The following PTK7 variants were observed in gnomAD, a reference collection of about 807,000 sequenced individuals.
The protein encoded by PTK7 is protein tyrosine kinase 7 (inactive), also known as inactive tyrosine-protein kinase 7.
PTK7 carries 39 observed loss-of-function variants against 116.6 expected under a neutral mutation model. The ratio of observed to expected loss-of-function variants is 0.33; its 90% CI spans 0.26 to 0.44. The LOEUF (loss-of-function observed/expected upper bound fraction) is 0.44, where lower values mean the gene tolerates loss of function less well. PTK7 is among the 20% of genes least tolerant of loss of function. The probability of loss-of-function intolerance (pLI) is 1.00; values close to 1 mark genes in which losing one functional copy is unlikely to be tolerated. For missense variants in PTK7, 1,169 were observed against 1,425.6 expected (o/e 0.82, Z 2.90); for synonymous variants, 546 against 563.6 (o/e 0.97, Z 0.44).
Position 43,142,167 on chromosome 6 carries a change from G to T in PTK7, c.1920-5G>T. 6.2e-7 allele frequency: 1 copy of T among 1,613,776 alleles called. No homozygotes were observed. Among genetic ancestry groups the T allele is most frequent in the Non-Finnish European group, 8.5e-7 (1 of 1,179,930 alleles). Reference sequence around the variant, plus strand: ...TGGCCAGCACTATGGCTTCTCCCCCGACAGGATGCACATCTTCCAGAATGG... The same window carrying T: ...TGGCCAGCACTATGGCTTCTCCCCCTACAGGATGCACATCTTCCAGAATGG... On this transcript the variant is annotated splice_region_variant and splice_polypyrimidine_tract_variant and intron_variant, in intron 12 of 19. Transcript: ENST00000230419.
At position 43,160,932 on chromosome 6, in the gene PTK7, G is replaced by A. The variant is rs754636956; in HGVS notation, c.*51G>A. On this transcript the variant is annotated 3_prime_UTR_variant, in exon 20 of 20. Transcript: ENST00000230419. ...GGGCAGGGGAGGACATCTCTAGAGG[G>A]AAGCTCACAGCATGATGGGCAAGAT... 6.3e-7 allele frequency: 1 copy of A among 1,591,496 alleles called. No individual in the cohort carries two copies. Among genetic ancestry groups the A allele is most frequent in the Non-Finnish European group, 8.5e-7 (1 of 1,169,684 alleles).
chr6:43,159,873 T>C lies in PTK7; in HGVS notation c.2959T>C (p.Ser987Pro). ...AILEGDFSTKSDVWAFGVLMW... is the reference protein window; with the variant it reads ...AILEGDFSTKPDVWAFGVLMW... ...CCTGGAGGGTGACTTCTCTACCAAG[T>C]CTGATGTCTGGGCCTTCGGTGTGCT... Residue 987 changes from serine (S) to proline (P), a missense_variant, in exon 19 of 20, where the codon TCT becomes CCT. This residue lies in a region of PTK7 where 678 missense variants were observed against 853.8 expected (regional missense o/e 0.79). Transcript: ENST00000230419. 6.2e-7 allele frequency: 1 copy of C among 1,614,218 alleles called. No homozygotes were observed. The highest frequency in any genetic ancestry group is 8.5e-7 in the Non-Finnish European group (1 of 1,180,042).
chr6:43,132,159 TAGC>T lies in PTK7; in HGVS notation c.959_961del (p.Ala320del). 1 of 1,608,982 alleles carries T rather than the reference TAGC, an allele frequency of 6.2e-7. No individual in the cohort carries two copies. The highest frequency in any genetic ancestry group is 8.5e-7 in the Non-Finnish European group (1 of 1,176,160). ...ATCATCCTGGAAGCCACACTTCACCTAGCAGGTGAGTCTCTGGGTCTGGGGTGC... is the reference window on the plus strand; with the variant it reads ...ATCATCCTGGAAGCCACACTTCACCTAGGTGAGTCTCTGGGTCTGGGGTGC... On this transcript the variant is annotated inframe_deletion and splice_region_variant, in exon 6 of 20. Transcript: ENST00000230419.
chr6:43,149,287 G>T (rs917658824), intron 17 of PTK7, among the ~76,000 whole-genome samples: 1 of 151,198 alleles, frequency 6.6e-6, no homozygotes, highest in Non-Finnish European at 1.5e-5. Context: ...CAGGAGAATC[G>T]CTTGAGCCTG....
intron 1 of PTK7, among the ~76,000 whole-genome samples, chr6:43,092,020 G>A (rs556622538): frequency 2.6e-5 from 4 of 152,128 alleles, no homozygotes; most frequent in Non-Finnish European, 5.9e-5. Context: ...GTGTCACTAC[G>A]CCCAGCTAAT....
chr6:43,078,083 G>A (rs1766158954), intron 1 of PTK7, among the ~76,000 whole-genome samples: 1 of 152,218 alleles, frequency 6.6e-6, no homozygotes, highest in South Asian at 2.1e-4. Context: ...TTGGTGTGTG[G>A]GTCTGCCCAA....
chr6:43,138,944 A>G lies in PTK7; in HGVS notation c.1324A>G (p.Thr442Ala). ...CCTGACCCAGGCCACACCAAAACCT[A>G]CAGTTGTCTGGTACAGAAACCAGAT... ...DCLTQATPKP[T>A]VVWYRNQMLI... Residue 442 changes from threonine to alanine, a missense_variant, in exon 8 of 20, where the codon ACA becomes GCA. This residue lies in a region of PTK7 where 678 missense variants were observed against 853.8 expected (regional missense o/e 0.79). Coordinates refer to ENST00000230419, the MANE Select transcript of PTK7 (RefSeq NM_002821.5). 3 of 1,614,162 alleles carry G rather than the reference A, an allele frequency of 1.9e-6. No individual in the cohort carries two copies. The highest frequency in any genetic ancestry group is 2.5e-6 in the Non-Finnish European group (3 of 1,180,040).
At chr6:43,110,882 C>T (rs544877870) in intron 1 of PTK7, among the ~76,000 whole-genome samples, 1 of 152,264 alleles carries the variant, frequency 6.6e-6, no homozygotes, top group African/African-American at 2.4e-5. Flanking sequence ...ATAGACTTTC[C>T]AGGCCTCTGT....
Position 43,137,336 on chromosome 6 carries a change from A to G in PTK7, c.1229-1513A>G, listed in dbSNP as rs1195864730. 3.3e-5 allele frequency among the ~76,000 whole-genome samples: 5 copies of G among 152,138 alleles called. No individual in the cohort carries two copies. In the South Asian group the frequency reaches 1.0e-3, roughly 31 times the overall value. On this transcript the variant is annotated intron_variant, in intron 7 of 19. Coordinates refer to ENST00000230419, the MANE Select transcript of PTK7 (RefSeq NM_002821.5). ...TGAGAGGTGGTCAAATTCAGGATATATTTAGGAGCCCCAGTAGATAGGGTT... is the reference window on the plus strand; with the variant it reads ...TGAGAGGTGGTCAAATTCAGGATATGTTTAGGAGCCCCAGTAGATAGGGTT...
In PTK7 at chr6:43,139,481, C is replaced by T; in HGVS notation, c.1574C>T (p.Ser525Leu). 1 of 1,614,238 alleles carries T rather than the reference C, an allele frequency of 6.2e-7. No individual in the cohort carries two copies. The highest frequency in any genetic ancestry group is 8.5e-7 in the Non-Finnish European group (1 of 1,180,050). ...EFDKEATVPC[S>L]ATGREKPTIK... Reference sequence around the variant, plus strand: ...GACAAGGAGGCCACGGTGCCCTGTTCAGCCACAGGCCGAGAGAAGCCCACT... The same window carrying T: ...GACAAGGAGGCCACGGTGCCCTGTTTAGCCACAGGCCGAGAGAAGCCCACT... The change falls in exon 10 of 20, where the codon TCA (serine) becomes TTA (leucine). Residue 525 changes from serine to leucine, a missense_variant. Around this residue, in one of 3 missense-constraint regions of PTK7, gnomAD observed 678 missense variants for 853.8 expected, o/e 0.79. Transcript: ENST00000230419. This position sits in a 1 kb window ranked among gnomAD's most constrained non-coding sequence, Gnocchi z 4.6.
chr6:43,076,321 G>A lies in PTK7; in HGVS notation c.-168G>A. 4.2e-6 allele frequency: 1 copy of A among 238,256 alleles called. No homozygotes were observed. Among genetic ancestry groups the A allele is most frequent in the Non-Finnish European group, 7.4e-6 (1 of 135,214 alleles). 14.8% of individuals were successfully genotyped at this position (238,256 alleles called of 1,614,324 possible). A position where few individuals can be genotyped will look rare whatever the true frequency, so the allele number is the denominator to read the frequency against. ...GCGCGGGGACTCGGAGGTACTGGGC[G>A]CGCGCGGCTCCGGCTCGGGACGCCT... On this transcript the variant is annotated 5_prime_UTR_variant, in exon 1 of 20. Coordinates refer to ENST00000230419, the MANE Select transcript of PTK7 (RefSeq NM_002821.5). This position sits in a 1 kb window ranked among gnomAD's most constrained non-coding sequence, Gnocchi z 5.7.
At chr6:43,152,053 T>C (rs999848991) in intron 17 of PTK7, among the ~76,000 whole-genome samples, 3 of 151,426 alleles carry the variant, frequency 2.0e-5, no homozygotes, top group Non-Finnish European at 2.9e-5. Flanking sequence ...TTCATCATGT[T>C]AGCCAGGATG....
At chr6:43,153,189 C>A (rs1771231527) in intron 17 of PTK7, among the ~76,000 whole-genome samples, 1 of 151,832 alleles carries the variant, frequency 6.6e-6, no homozygotes, top group South Asian at 2.1e-4. Context: ...CGGCTCACTG[C>A]AAGCTCTGCC....
intron 1 of PTK7, among the ~76,000 whole-genome samples, chr6:43,108,665 G>A (rs758285187): frequency 4.6e-5 from 7 of 152,368 alleles, no homozygotes; most frequent in East Asian, 3.9e-4. Flanking sequence ...GCCTCCCAAA[G>A]TGCTGGGATT....
At chr6:43,105,400 G>C (rs975779892) in intron 1 of PTK7, among the ~76,000 whole-genome samples, 1 of 144,452 alleles carries the variant, frequency 6.9e-6, no homozygotes, top group Non-Finnish European at 1.5e-5. Context: ...AGTGAATGAG[G>C]TCGAATTATA....
rs1403265761 is a variant in PTK7, at chr6:43,142,267, T to C, written c.2015T>C (p.Ile672Thr). 1 of 1,613,992 alleles carries C rather than the reference T, an allele frequency of 6.2e-7. No homozygotes were observed. Among genetic ancestry groups the C allele is most frequent in the Non-Finnish European group, 8.5e-7 (1 of 1,180,022 alleles). The change falls in exon 13 of 20, where the codon ATC becomes ACC. Residue 672 changes from isoleucine (I) to threonine (T), a missense_variant. By Grantham distance (89) the Ile-to-Thr change is moderately conservative. Around this residue, in one of 3 missense-constraint regions of PTK7, gnomAD observed 678 missense variants for 853.8 expected, o/e 0.79. Transcript: ENST00000230419. Reference sequence around the variant, plus strand: ...TGCATTGCAGGCAACAGCTGCAACATCAAGCACACGGAGGCCCCCCTCTAT... The same window carrying C: ...TGCATTGCAGGCAACAGCTGCAACACCAAGCACACGGAGGCCCCCCTCTAT... ...YTCIAGNSCNIKHTEAPLYVV... is the reference protein window; with the variant it reads ...YTCIAGNSCNTKHTEAPLYVV...
Position 43,139,956 on chromosome 6 carries a change from A to G in PTK7, c.1618+431A>G, listed in dbSNP as rs975287164. Among the ~76,000 whole-genome samples the G allele has an allele frequency of 2.0e-5, 3 of 152,092 alleles. No individual in the cohort carries two copies. Among genetic ancestry groups the G allele is most frequent in the African/African-American group, 4.8e-5 (2 of 41,418 alleles). On this transcript the variant is annotated intron_variant, in intron 10 of 19. Transcript: ENST00000230419. This position sits in a 1 kb window ranked among gnomAD's most constrained non-coding sequence, Gnocchi z 4.6. ...TGGTGAAACCCCATCTCTACTAAAA[A>G]TGCAAAAGTTAGCCAGGCGTGGTGG...
At chr6:43,110,389 T>TTTG (rs999265042) in intron 1 of PTK7, among the ~76,000 whole-genome samples, 49 of 150,354 alleles carry the variant, frequency 3.3e-4, no homozygotes, top group African/African-American at 1.2e-3. Context: ...AGGTTTTTTT[T>TTTG]TTGTTGTTGT....
chr6:43,086,581 AT>A (rs1766672580), intron 1 of PTK7, among the ~76,000 whole-genome samples: 1 of 152,156 alleles, frequency 6.6e-6, no homozygotes, highest in Non-Finnish European at 1.5e-5. Context: ...TACGCCTGTA[AT>A]CCCAGCACTT....
Sources: allele counts gnomAD v4.1 joint callset (sites outside exome capture counted in the v4.1 genomes callset), GRCh38; gene constraint gnomAD v4.1.1; regional missense constraint gnomAD v4.1.1; non-coding constraint Gnocchi (gnomAD v3.1); transcripts MANE v1.5; gene names NCBI Gene and HGNC (gene_info 2026-07-23, HGNC 2026-07-21).